The following PDIA6 variants were observed in gnomAD, a reference collection of about 807,000 sequenced individuals.
PDIA6 encodes the protein protein disulfide isomerase family A member 6.
Under a neutral mutation model 58.4 loss-of-function variants are expected in PDIA6, and 29 were observed. That is an observed-to-expected ratio of 0.50 (90% CI 0.37 to 0.68). The LOEUF (loss-of-function observed/expected upper bound fraction) is 0.68, where lower values mean the gene tolerates loss of function less well. PDIA6 is among the 30% of genes least tolerant of loss of function. The pLI, the probability that PDIA6 is intolerant of heterozygous loss-of-function variation, is 0.00. For missense variants in PDIA6, 480 were observed against 551.0 expected, an observed-to-expected ratio of 0.87 and a Z score of 1.29; for synonymous variants, 192 against 202.6, an observed-to-expected ratio of 0.95 and a Z score of 0.44.
chr2:10,793,276 G>A lies in PDIA6; in HGVS notation c.347-74C>T, dbSNP rs566758336. ...GCCTCATCTGGCCCGGCCCAAGACT[G>A]TGTCTTTACCTCACTGTCGGCTTCA... On this transcript the variant is annotated intron_variant, in intron 4 of 12. Coordinates refer to ENST00000272227, the MANE Select transcript of PDIA6 (RefSeq NM_005742.4). 231 of 963,144 alleles carry A rather than the reference G, an allele frequency of 2.4e-4. 5 individuals carry two copies. Among genetic ancestry groups the A allele is most frequent in the South Asian group, 2.3e-3 (175 of 75,770 alleles). The allele number at this position is 963,144 out of a possible 1,614,324, so 59.7% of individuals were successfully genotyped here.
rs546262033 is a variant in PDIA6, at chr2:10,825,997, A to G, written c.-48+6205T>C. Among the ~76,000 whole-genome samples, 6 of 152,352 alleles carry G rather than the reference A, an allele frequency of 3.9e-5. No individual in the cohort carries two copies. In the East Asian group the frequency reaches 1.2e-3, roughly 29 times the overall value. On this transcript the variant is annotated intron_variant, in intron 1 of 13. Coordinates refer to the PDIA6 transcript ENST00000381611. ...GCATCTACCCAAGAAAATGAAACAC[A>G]TGTCCACACAAAACACATACAGGTA... is the stretch of plus-strand genomic sequence containing the variant.
intron 1 of PDIA6, among the ~76,000 whole-genome samples, chr2:10,806,240 T>C (rs1338438010): frequency 6.6e-6 from 1 of 150,904 alleles, no homozygotes; most frequent in Non-Finnish European, 1.5e-5. Flanking sequence ...TGGTGGTGCA[T>C]GCCTATAGTC....
At chr2:10,824,364 T>A (rs2148578789) in intron 1 of PDIA6, among the ~76,000 whole-genome samples, 1 of 152,368 alleles carries the variant, frequency 6.6e-6, no homozygotes, top group South Asian at 2.1e-4. Context: ...AGTGTTCTGC[T>A]GCCCCTCCCC....
intron 1 of PDIA6, among the ~76,000 whole-genome samples, chr2:10,827,432 A>G (rs1667582287): frequency 6.6e-6 from 1 of 152,174 alleles, no homozygotes; most frequent in Non-Finnish European, 1.5e-5. Flanking sequence ...AACAGAGGAG[A>G]ACCTTCCTAT....
At chr2:10,806,632 A>AGACAGAC (rs1345997507) in intron 1 of PDIA6, among the ~76,000 whole-genome samples, 6 of 121,240 alleles carry the variant, frequency 4.9e-5, no homozygotes, top group East Asian at 2.1e-4. Flanking sequence ...TAAAGACAGA[A>AGACAGAC]AGAAAGAAAG....
intron 1 of PDIA6, among the ~76,000 whole-genome samples, chr2:10,830,531 G>C (rs531962106): frequency 6.6e-6 from 1 of 152,214 alleles, no homozygotes; most frequent in Non-Finnish European, 1.5e-5. Flanking sequence ...CCTCCCTGGC[G>C]GCCTGGGGAG....
At chr2:10,784,650 A>G (rs1268253122) in intron 12 of PDIA6, 7 of 507,058 alleles carry the variant, frequency 1.4e-5, no homozygotes, top group Admixed American at 3.7e-5. Flanking sequence ...TTCTAAGATA[A>G]AGTAAATGAA....
chr2:10,830,421 C>G (rs1317124686), intron 1 of PDIA6, among the ~76,000 whole-genome samples: 2 of 152,228 alleles, frequency 1.3e-5, no homozygotes, highest in African/African-American at 4.8e-5. Flanking sequence ...TCAAGGTTCT[C>G]TCGGGCACCT....
chr2:10,796,838 A>G (rs899910870), intron 4 of PDIA6, among the ~76,000 whole-genome samples: 2 of 152,224 alleles, frequency 1.3e-5, no homozygotes, highest in Admixed American at 1.3e-4. Flanking sequence ...ACAGAACACT[A>G]TTTTCTATCA....
chr2:10,788,949 A>T lies in PDIA6; in HGVS notation c.873T>A (p.Cys291Ter). ...IINEDIAKRT[C>*]EEHQLCVVAV... ...CCACAACACAGAGCTGGTGCTCCTC[A>T]CACGTCCTCTTGGCAATGTCCTCGT... is the stretch of plus-strand genomic sequence containing the variant. The change falls in exon 9 of 13, where the codon TGT (cysteine) becomes TGA (stop). Residue 291 changes from cysteine to a stop codon, truncating the protein, a stop_gained. Transcript: ENST00000272227. LOFTEE classifies it high-confidence loss of function. The T allele has an allele frequency of 6.2e-7, 1 of 1,614,124 alleles. No homozygotes were observed. The highest frequency in any genetic ancestry group is 8.5e-7 in the Non-Finnish European group (1 of 1,179,964).
chr2:10,837,295 A>G (rs1381618853), upstream of PDIA6, among the ~76,000 whole-genome samples: 1 of 152,218 alleles, frequency 6.6e-6, no homozygotes, highest in Non-Finnish European at 1.5e-5. Flanking sequence ...CTTACTAAAT[A>G]TTCAAGGAGG....
intron 5 of PDIA6, among the ~76,000 whole-genome samples, chr2:10,792,831 C>T (rs1452767994): frequency 1.3e-5 from 2 of 152,194 alleles, no homozygotes; most frequent in East Asian, 1.9e-4. Flanking sequence ...GATGCCAGCA[C>T]GTGGCTCCTG....
chr2:10,814,851 C>T (rs1667144948), upstream of PDIA6, among the ~76,000 whole-genome samples: 1 of 152,206 alleles, frequency 6.6e-6, no homozygotes, highest in Non-Finnish European at 1.5e-5. Context: ...GGGTAGCAAT[C>T]CTGCTTGGAA....
upstream of PDIA6, among the ~76,000 whole-genome samples, chr2:10,813,412 T>C (rs1451384128): frequency 6.6e-6 from 1 of 152,162 alleles, no homozygotes; most frequent in African/African-American, 2.4e-5. Context: ...GGGTCTCCAC[T>C]TTGTCCTGGG....
intron 12 of PDIA6, chr2:10,784,682 T>G (rs1665619797): frequency 1.9e-6 from 1 of 532,936 alleles, no homozygotes; most frequent in African/African-American, 1.9e-5. Flanking sequence ...ATGTTCACTT[T>G]AAGGTAATAA....
At chr2:10,795,488 CAGACGAAGACGA>C (rs56308941) in intron 4 of PDIA6, among the ~76,000 whole-genome samples, 79 of 151,622 alleles carry the variant, frequency 5.2e-4, no homozygotes, top group East Asian at 2.5e-3. Context: ...TCTTCATCTT[CAGACGAAGACGA>C]AGACGAAGAT....
chr2:10,792,897 G>T (rs540571036), intron 5 of PDIA6, among the ~76,000 whole-genome samples, 199 bp downstream of exon 5: 1 of 152,318 alleles, frequency 6.6e-6, no homozygotes, highest in Non-Finnish European at 1.5e-5. Flanking sequence ...ACTGGCTTTG[G>T]CAACAGCAAT....
chr2:10,817,628 T>A (rs943096943), upstream of PDIA6, among the ~76,000 whole-genome samples: 1 of 152,160 alleles, frequency 6.6e-6, no homozygotes, highest in Non-Finnish European at 1.5e-5. Context: ...GAGGTGATAA[T>A]CCCAACTGCT....
At chr2:10,837,536 G>C (rs1246131991) in exon 1 of PDIA6, 1 of 719,860 alleles carries the variant, frequency 1.4e-6, no homozygotes, top group Non-Finnish European at 2.5e-6. Context: ...CGATCCGAGC[G>C]CCGTGCAAGT....
Sources: allele counts gnomAD v4.1 joint callset (sites outside exome capture counted in the v4.1 genomes callset), GRCh38; gene constraint gnomAD v4.1.1; transcripts MANE v1.5; gene names NCBI Gene and HGNC (gene_info 2026-07-23, HGNC 2026-07-21).